Variants in PDPK1 observed in about 807,000 individuals in gnomAD.
PDPK1 encodes the protein 3-phosphoinositide dependent protein kinase 1, also known as 3-phosphoinositide-dependent protein kinase 1.
PDPK1 carries 7 observed loss-of-function variants against 39.8 expected under a neutral mutation model. The observed-to-expected ratio is 0.18, with a 90% CI of 0.10 to 0.33. The LOEUF is 0.33. PDPK1 is among the 10% of genes least tolerant of loss of function. The pLI, the probability that PDPK1 is intolerant of heterozygous loss-of-function variation, is 1.00. For missense variants in PDPK1, 182 were observed against 384.7 expected, an observed-to-expected ratio of 0.47 and a Z score of 4.41; for synonymous variants, 118 against 159.1, an observed-to-expected ratio of 0.74 and a Z score of 1.95.
chr16:2,585,952 A>C (rs2066865122), intron 10 of PDPK1, among the ~76,000 whole-genome samples: 1 of 152,180 alleles, frequency 6.6e-6, no homozygotes, highest in Admixed American at 6.5e-5. Context: ...CACAGAGCTC[A>C]GATGTGGGGC....
chr16:2,546,278 T>G (rs2066344659), intron 1 of PDPK1, among the ~76,000 whole-genome samples: 1 of 151,588 alleles, frequency 6.6e-6, no homozygotes, highest in Non-Finnish European at 1.5e-5. Context: ...GAGACGGGGT[T>G]TCACCATCTT....
At chr16:2,588,026 A>G (rs111505445) in intron 11 of PDPK1, among the ~76,000 whole-genome samples, 7,040 of 152,122 alleles carry the variant, frequency 0.046, 538 homozygotes, top group African/African-American at 0.16. Flanking sequence ...GAAGCACAAG[A>G]CGAGGGGGAG....
At position 2,598,945 on chromosome 16, in the gene PDPK1, C is replaced by T. The variant is rs2067157941; in HGVS notation, c.*1178C>T. 4.3e-6 allele frequency: 1 copy of T among 233,342 alleles called. No homozygotes were observed. The highest frequency in any genetic ancestry group is 8.5e-6 in the Non-Finnish European group (1 of 118,082). 14.5% of individuals were successfully genotyped at this position (233,342 alleles called of 1,614,324 possible). On this transcript the variant is annotated 3_prime_UTR_variant, in exon 14 of 14. Transcript: ENST00000342085. The stretch of plus-strand genomic sequence containing the variant: ...TCTCATGCTGCCGGCTCATCTGGGC[C>T]CATAGAGTGGGCTTTGCCAGTTGCT...
chr16:2,600,356 G>A lies in PDPK1; in HGVS notation c.*2589G>A, dbSNP rs1295009448. 2 of 232,998 alleles carry A rather than the reference G, an allele frequency of 8.6e-6. No homozygotes were observed. Among genetic ancestry groups the A allele is most frequent in the Non-Finnish European group, 1.7e-5 (2 of 118,102 alleles). 14.4% of individuals were successfully genotyped at this position (232,998 alleles called of 1,614,324 possible). ...TCGGGACCACACTGTGCGGCTTCTC[G>A]GCACAAAGCGGAGGGAGGCTGTGGT... On this transcript the variant is annotated 3_prime_UTR_variant, in exon 14 of 14. Coordinates refer to ENST00000342085, the MANE Select transcript of PDPK1 (RefSeq NM_002613.5).
chr16:2,586,601 T>C (rs961805215), intron 10 of PDPK1, 75 bp from the exon 11 acceptor site: 4 of 1,313,392 alleles, frequency 3.0e-6, no homozygotes, highest in Admixed American at 1.7e-5. Flanking sequence ...ACAGCGGCAG[T>C]GCGGGAGGGG....
intron 2 of PDPK1, among the ~76,000 whole-genome samples, chr16:2,559,386 A>AT (rs1291254348): frequency 7.4e-6 from 1 of 136,022 alleles, no homozygotes; most frequent in Non-Finnish European, 1.5e-5. Context: ...TAATTGTAAA[A>AT]TTTTTTGTAG....
intron 1 of PDPK1, among the ~76,000 whole-genome samples, chr16:2,551,497 TGCGGGC>T (rs1457571812): frequency 2.5e-4 from 37 of 150,586 alleles, no homozygotes; most frequent in Non-Finnish European, 4.7e-4. Flanking sequence ...TGTGAGAGTG[TGCGGGC>T]GCTGGCTCTA....
At chr16:2,539,078 CTT>C (rs57517702) in intron 1 of PDPK1, 3,911 of 145,378 alleles carry the variant, frequency 0.027, no homozygotes, top group South Asian at 0.091. Context: ...CAGGATGCGG[CTT>C]TTTTTTTTTT....
intron 1 of PDPK1, among the ~76,000 whole-genome samples, chr16:2,539,688 C>T (rs777249580): frequency 2.6e-5 from 4 of 152,092 alleles, no homozygotes; most frequent in African/African-American, 4.8e-5. Context: ...ATGAATTAGG[C>T]GGATTGGCCA....
rs1444834717 is a variant in PDPK1 at position 2,538,092 on chromosome 16, G to T, written c.-21G>T. On this transcript the variant is annotated 5_prime_UTR_variant, in exon 1 of 14. Coordinates refer to ENST00000342085, the MANE Select transcript of PDPK1 (RefSeq NM_002613.5). ...AGCCGCGCAGCGCTGCGGGGGAGGC[G>T]CCCGCGCCGACGCGGGGCCCATGGC... The T allele has an allele frequency of 1.2e-5, 12 of 1,021,318 alleles. No individual in the cohort carries two copies. The highest frequency in any genetic ancestry group is 1.1e-5 in the Non-Finnish European group (9 of 849,168). 63.3% of individuals were successfully genotyped at this position (1,021,318 alleles called of 1,614,324 possible). A position where few individuals can be genotyped will look rare whatever the true frequency, so the allele number is the denominator to read the frequency against.
At chr16:2,588,049 C>G (rs1048499375) in intron 11 of PDPK1, among the ~76,000 whole-genome samples, 1 of 152,104 alleles carries the variant, frequency 6.6e-6, no homozygotes, top group African/African-American at 2.4e-5. Context: ...GAGGGCCTGG[C>G]TAGGCAGGGA....
intron 1 of PDPK1, among the ~76,000 whole-genome samples, chr16:2,545,283 A>G (rs1001642027): frequency 2.0e-5 from 3 of 151,736 alleles, no homozygotes; most frequent in East Asian, 1.9e-4. Context: ...AGCCTTCCTC[A>G]GTGGTCACCT....
At chr16:2,587,964 G>A (rs1289754372) in intron 11 of PDPK1, among the ~76,000 whole-genome samples, 1 of 152,192 alleles carries the variant, frequency 6.6e-6, no homozygotes. Context: ...TGTGGGCAGA[G>A]AGGAGCCCAA....
At chr16:2,576,323 G>T in intron 6 of PDPK1, 1 of 148,186 alleles carries the variant, frequency 6.7e-6, no homozygotes, top group Non-Finnish European at 1.5e-5. Context: ...TTGCAGGGTT[G>T]AATGGCTTCG....
Position 2,547,268 on chromosome 16 carries a change from G to A in PDPK1, c.24+9132G>A, listed in dbSNP as rs556777552. Among the ~76,000 whole-genome samples, 1,065 of 145,560 alleles carry A rather than the reference G, an allele frequency of 7.3e-3. 1 individual carries two copies. The highest frequency in any genetic ancestry group is 0.011 in the Admixed American group (164 of 15,004). On this transcript the variant is annotated intron_variant, in intron 1 of 13. Coordinates refer to ENST00000342085, the MANE Select transcript of PDPK1 (RefSeq NM_002613.5). Reference sequence around the variant, plus strand: ...CTTCCTGAGGGCGAGCGCTAGGTTCGTCTGCGTTTCTCTCTCCCAGTTGGG... The same window carrying A: ...CTTCCTGAGGGCGAGCGCTAGGTTCATCTGCGTTTCTCTCTCCCAGTTGGG...
chr16:2,587,482 T>A (rs1430746580), intron 11 of PDPK1, among the ~76,000 whole-genome samples: 2 of 152,238 alleles, frequency 1.3e-5, no homozygotes, highest in Admixed American at 1.3e-4. Flanking sequence ...AGGTACTTTG[T>A]GTCCTTTGAC....
At chr16:2,585,140 G>T (rs1475035885) in intron 10 of PDPK1, among the ~76,000 whole-genome samples, 1 of 152,224 alleles carries the variant, frequency 6.6e-6, no homozygotes, top group East Asian at 1.9e-4. Context: ...GAGTGTGGGG[G>T]TGTGTGTGCT....
rs533273769 is a variant in PDPK1, at chr16:2,594,888, G to A, written c.1344-905G>A. Among the ~76,000 whole-genome samples, 54 of 152,100 alleles carry A rather than the reference G, an allele frequency of 3.6e-4. 1 individual carries two copies. In the South Asian group the frequency reaches 8.7e-3, roughly 25 times the overall value. ...TATAATCCCAGCACTTTGGGAGGCC[G>A]AGGCGGGTGGATCACAAGGTCAGGA... is the stretch of plus-strand genomic sequence containing the variant. On this transcript the variant is annotated intron_variant, in intron 11 of 13. Coordinates refer to ENST00000342085, the MANE Select transcript of PDPK1 (RefSeq NM_002613.5).
chr16:2,602,134 C>T lies in PDPK1; in HGVS notation c.*4367C>T, dbSNP rs2067229529. The T allele has an allele frequency of 4.3e-6, 1 of 234,500 alleles. No homozygotes were observed. The highest frequency in any genetic ancestry group is 5.6e-5 in the Admixed American group (1 of 17,756). 14.5% of individuals were successfully genotyped at this position (234,500 alleles called of 1,614,324 possible). A position where few individuals can be genotyped will look rare whatever the true frequency, so the allele number is the denominator to read the frequency against. On this transcript the variant is annotated 3_prime_UTR_variant, in exon 14 of 14. Transcript: ENST00000342085. ...GAGAATACGGTGAAGGTACTTTGTT[C>T]TGGAAGATGTTGTCATACACTTTTC...
Sources: gnomAD v4.1 joint callset for allele counts (sites outside exome capture counted in the v4.1 genomes callset) on GRCh38, gnomAD v4.1.1 for gene constraint, MANE v1.5 for transcripts, NCBI Gene and HGNC (gene_info 2026-07-23, HGNC 2026-07-21) for gene names.